Variants in TNN observed in about 807,000 individuals in gnomAD.
The protein encoded by TNN is tenascin-N.
Under a neutral mutation model 134.4 loss-of-function variants are expected in TNN, and 122 were observed. That is an observed-to-expected ratio of 0.91 (90% CI 0.78 to 1.06). The LOEUF (loss-of-function observed/expected upper bound fraction) is 1.06. TNN is among the 50% of genes least tolerant of loss of function. The probability of loss-of-function intolerance (pLI) is 0.00; values close to 1 mark genes in which losing one functional copy is unlikely to be tolerated. For synonymous variants in TNN, 710 were observed against 670.3 expected, an observed-to-expected ratio of 1.06 and a Z score of -0.91; for missense variants, 1,739 against 1,699.4, an observed-to-expected ratio of 1.02 and a Z score of -0.41.
At chr1:175,116,679 C>T (rs1306642851) in intron 9 of TNN, among the ~76,000 whole-genome samples, 1 of 152,222 alleles carries the variant, frequency 6.6e-6, no homozygotes, top group East Asian at 1.9e-4. Context: ...CACCTCTGCT[C>T]TGCCTCTCTG....
At chr1:175,071,387 G>T (rs1673911024) in intron 1 of TNN, among the ~76,000 whole-genome samples, 1 of 152,166 alleles carries the variant, frequency 6.6e-6, no homozygotes, top group African/African-American at 2.4e-5. Context: ...CTTGGCCAAG[G>T]CTTGGATGCC....
chr1:175,093,056 C>T (rs763249), intron 6 of TNN, among the ~76,000 whole-genome samples: 83,410 of 152,072 alleles, frequency 0.55, 23,479 homozygotes, highest in African/African-American at 0.69. Flanking sequence ...CAGGTCATTC[C>T]TCTTTTCAAA....
chr1:175,126,914 T>A, intron 12 of TNN, 41 bp from the exon 13 acceptor site: 1 of 1,578,722 alleles, frequency 6.3e-7, no homozygotes, highest in Non-Finnish European at 8.6e-7. Flanking sequence ...TTGCCTCAGT[T>A]GTATCTTAGT....
At chr1:175,070,081 G>A (rs910638349) in intron 1 of TNN, among the ~76,000 whole-genome samples, 1 of 152,128 alleles carries the variant, frequency 6.6e-6, no homozygotes, top group African/African-American at 2.4e-5. Flanking sequence ...TTTAGGTCCC[G>A]TGTCTATTTT....
Position 175,092,621 on chromosome 1 carries a change from A to G in TNN, c.1325-1369A>G, listed in dbSNP as rs1156681892. On this transcript the variant is annotated intron_variant, in intron 6 of 18. Transcript: ENST00000239462. The stretch of plus-strand genomic sequence containing the variant: ...TGCTGCTTAGGACATAGACATATAA[A>G]GTGGAAATGTATAGTCTTTGTTAGA... Among the ~76,000 whole-genome samples the G allele has an allele frequency of 2.0e-5, 3 of 152,198 alleles. No homozygotes were observed. The East Asian group carries it at 5.8e-4, about 29-fold the overall frequency.
At chr1:175,089,916 TC>T (rs1156260663) in intron 6 of TNN, among the ~76,000 whole-genome samples, 1 of 152,218 alleles carries the variant, frequency 6.6e-6, no homozygotes, top group African/African-American at 2.4e-5. Context: ...CTTTGGAAAC[TC>T]CTTCATGTCC....
intron 1 of TNN, among the ~76,000 whole-genome samples, chr1:175,073,176 G>A (rs889735202): frequency 1.3e-5 from 2 of 152,112 alleles, no homozygotes; most frequent in Non-Finnish European, 2.9e-5. Context: ...GAAGTGTATA[G>A]GGATTAGTGG....
chr1:175,096,042 A>G (rs1406491556), intron 7 of TNN, among the ~76,000 whole-genome samples: 1 of 152,264 alleles, frequency 6.6e-6, no homozygotes, highest in Non-Finnish European at 1.5e-5. Context: ...TCACGCCTGT[A>G]TGGCATTCAC....
At chr1:175,109,356 G>C (rs1221451166) in intron 9 of TNN, among the ~76,000 whole-genome samples, 3 of 151,422 alleles carry the variant, frequency 2.0e-5, no homozygotes, top group Non-Finnish European at 2.9e-5. Context: ...CCAAAGTGCT[G>C]GGATTACAGG....
At chr1:175,070,647 A>T (rs1236740296) in intron 1 of TNN, among the ~76,000 whole-genome samples, 1 of 152,222 alleles carries the variant, frequency 6.6e-6, no homozygotes, top group Non-Finnish European at 1.5e-5. Flanking sequence ...TCCTATATTC[A>T]ACATCACAGA....
chr1:175,076,380 G>A (rs943265340), intron 1 of TNN, among the ~76,000 whole-genome samples: 1 of 152,166 alleles, frequency 6.6e-6, no homozygotes, highest in Non-Finnish European at 1.5e-5. Flanking sequence ...TGCCACAGGA[G>A]GGCCCCAAGA....
chr1:175,125,938 C>T (rs374042226), intron 12 of TNN, among the ~76,000 whole-genome samples: 5 of 140,800 alleles, frequency 3.6e-5, no homozygotes, highest in Admixed American at 7.6e-5. Flanking sequence ...TTCTTTCTCT[C>T]GCTTCTCTCC....
At position 175,127,681 on chromosome 1, in the gene TNN, C is replaced by T. The variant is rs551214047; in HGVS notation, c.3046-351C>T. ...CTCCCCTATTAATTTCTCCTTAGCG[C>T]GGCATTGCCAGCCTGTTCCTGCTGG... On this transcript the variant is annotated intron_variant, in intron 13 of 18. Coordinates refer to ENST00000239462, the MANE Select transcript of TNN (RefSeq NM_022093.2). 7.9e-5 allele frequency among the ~76,000 whole-genome samples: 12 copies of T among 152,328 alleles called. No homozygotes were observed. The East Asian group carries it at 1.2e-3, about 15-fold the overall frequency.
At position 175,077,825 on chromosome 1, in the gene TNN, C is replaced by T. The variant is rs752685457; in HGVS notation, c.407C>T (p.Thr136Ile). ...CSAQRCCQGVTDLSRHCSGHG... is the reference protein window; with the variant it reads ...CSAQRCCQGVIDLSRHCSGHG... ...GCCCAGCGCTGCTGCCAGGGAGTCA[C>T]TGGTGAGCTCACCACCTGGTATTCA... The change falls in exon 2 of 19, where the codon ACT (threonine) becomes ATT (isoleucine). Residue 136 changes from threonine (T) to isoleucine (I), a missense_variant and splice_region_variant. Physicochemically the swap from Thr to Ile is moderately conservative, Grantham distance 89. Transcript: ENST00000239462. 7 of 1,607,766 alleles carry T rather than the reference C, an allele frequency of 4.4e-6. No individual in the cohort carries two copies. The highest frequency in any genetic ancestry group is 3.3e-4 in the Middle Eastern group (2 of 6,068).
chr1:175,102,743 G>A (rs577193991), intron 9 of TNN, among the ~76,000 whole-genome samples: 2 of 146,384 alleles, frequency 1.4e-5, no homozygotes, highest in East Asian at 2.3e-4. Flanking sequence ...CCAGAAAGGG[G>A]CTCCCACAGT....
chr1:175,144,449 G>A lies in TNN; in HGVS notation c.3658G>A (p.Ala1220Thr), dbSNP rs751673595. Residue 1220 changes from alanine (A) to threonine (T), a missense_variant, in exon 18 of 19, where the codon GCA (alanine) becomes ACA (threonine). Ala to Thr is a moderately conservative substitution (Grantham distance 58). Transcript: ENST00000239462. The part of the protein sequence containing the change: ...FTTFDRDNDI[A>T]LSNCALTHHG... ...AACTTTTGACAGAGACAATGATATC[G>A]CACTCAGCAACTGTGCCCTGACACA... is the stretch of plus-strand genomic sequence containing the variant. 24 of 1,614,032 alleles carry A rather than the reference G, an allele frequency of 1.5e-5. No individual in the cohort carries two copies. The highest frequency in any genetic ancestry group is 3.3e-5 in the Admixed American group (2 of 60,004).
At chr1:175,128,294 T>A in intron 14 of TNN, 130 bp downstream of exon 14, 1 of 917,236 alleles carries the variant, frequency 1.1e-6, no homozygotes, top group Non-Finnish European at 1.6e-6. Context: ...GAAGTGGAAA[T>A]GGGGTTGTGT....
chr1:175,147,315 G>A lies in TNN; in HGVS notation c.*244G>A, dbSNP rs751086920. 5.4e-6 allele frequency: 2 copies of A among 373,120 alleles called. No individual in the cohort carries two copies. The highest frequency in any genetic ancestry group is 4.7e-6 in the Non-Finnish European group (1 of 211,096). 23.1% of individuals were successfully genotyped at this position (373,120 alleles called of 1,614,324 possible). A position where few individuals can be genotyped will look rare whatever the true frequency, so the allele number is the denominator to read the frequency against. ...GGAAAGACAGTACTGGAACGGCAAG[G>A]TTTCTCAGCTTATCTTCAGCAACAT... is the stretch of plus-strand genomic sequence containing the variant. On this transcript the variant is annotated 3_prime_UTR_variant, in exon 19 of 19. Transcript: ENST00000239462.
intron 9 of TNN, among the ~76,000 whole-genome samples, chr1:175,107,447 C>T (rs1458628984): frequency 6.9e-6 from 1 of 144,122 alleles, no homozygotes; most frequent in Non-Finnish European, 1.5e-5. Context: ...TGTTACAGCT[C>T]TTAAGGCAGC....
Sources: allele counts gnomAD v4.1 joint callset (sites outside exome capture counted in the v4.1 genomes callset), GRCh38; gene constraint gnomAD v4.1.1; transcripts MANE v1.5; gene names NCBI Gene and HGNC (gene_info 2026-07-23, HGNC 2026-07-21).